SERPINB4: variants seen among roughly 807,000 people sequenced by gnomAD.
SERPINB4 encodes the protein serpin family B member 4.
A neutral mutation model predicts 33.2 loss-of-function variants in SERPINB4; 39 were observed. The ratio of observed to expected loss-of-function variants is 1.18; its 90% CI spans 0.91 to 1.53. The LOEUF (loss-of-function observed/expected upper bound fraction) is 1.53. SERPINB4 is among the 40% of genes most tolerant of loss of function. SERPINB4 has a pLI of 0.00. For missense variants in SERPINB4, 564 were observed against 455.4 expected (o/e 1.24, Z -2.17); for synonymous variants, 191 against 166.4 (o/e 1.15, Z -1.14).
Position 63,639,777 on chromosome 18 carries a change from C to G in SERPINB4, c.470-1G>C, listed in dbSNP as rs534619178. ...TCAGGAAATAGGTTTTTAATTTTTT[C>G]TGCAAGGGAAAGAATAAAAGAGTCT... On this transcript the variant is annotated splice_acceptor_variant, in intron 5 of 7. Coordinates refer to ENST00000341074, the MANE Select transcript of SERPINB4 (RefSeq NM_002974.4). LOFTEE classifies it high-confidence loss of function. The G allele has an allele frequency of 6.2e-7, 1 of 1,607,070 alleles. No individual in the cohort carries two copies. Among genetic ancestry groups the G allele is most frequent in the South Asian group, 1.1e-5 (1 of 89,740 alleles).
At position 63,639,752 on chromosome 18, in the gene SERPINB4, T is replaced by C. The variant is rs1161279833; in HGVS notation, c.494A>G (p.Asp165Gly). 6 of 1,611,646 alleles carry C rather than the reference T, an allele frequency of 3.7e-6. No individual in the cohort carries two copies. The highest frequency in any genetic ancestry group is 1.3e-5 in the African/African-American group (1 of 74,810). ...TGTCGTATCATTGCCAATAGTCCCA[T>C]CAGGAAATAGGTTTTTAATTTTTTC... The part of the protein sequence containing the change: ...TNEKIKNLFP[D>G]GTIGNDTTLV... Residue 165 changes from aspartate (D) to glycine (G), a missense_variant, in exon 6 of 8, where the codon GAT becomes GGT. Transcript: ENST00000341074.
intron 7 of SERPINB4, 46 bp from the exon 8 acceptor site, chr18:63,638,169 C>T: frequency 6.4e-7 from 1 of 1,570,324 alleles, no homozygotes; most frequent in South Asian, 1.2e-5. Flanking sequence ...CTGTCGATCT[C>T]TAATACACCT....
intron 3 of SERPINB4, 111 bp downstream of exon 3, chr18:63,643,050 T>C: frequency 7.7e-7 from 1 of 1,298,842 alleles, no homozygotes; most frequent in Non-Finnish European, 1.1e-6. Context: ...TCAATCTTTG[T>C]GTCCAAGATT....
At chr18:63,642,674 A>G (rs952019780) in intron 3 of SERPINB4, among the ~76,000 whole-genome samples, 2 of 152,116 alleles carry the variant, frequency 1.3e-5, no homozygotes, top group African/African-American at 2.4e-5. Context: ...GAATCTCATT[A>G]ATGACTCAAT....
At position 63,643,440 on chromosome 18, in the gene SERPINB4, T is replaced by C. The variant is rs1233396227; in HGVS notation, c.138A>G (p.Lys46=). ...SALGMVLLGA[K]DNTAQQISKV... is the part of the protein sequence containing the mutation. ...TGCTAATTTGTTGTGCAGTGTTGTC[T>C]TTGGCTCCTAAGAGGACCATCCCTA... The change falls in exon 2 of 8, where the codon AAA becomes AAG. Residue 46 remains lysine (K), a synonymous_variant. Transcript: ENST00000341074. The C allele has an allele frequency of 1.2e-6, 2 of 1,613,722 alleles. No homozygotes were observed. The highest frequency in any genetic ancestry group is 1.7e-6 in the Non-Finnish European group (2 of 1,179,736).
At chr18:63,639,864 T>C (rs535024287) in intron 5 of SERPINB4, 88 bp from the exon 6 acceptor site, 93 of 1,250,190 alleles carry the variant, frequency 7.4e-5, no homozygotes, top group Admixed American at 3.5e-4. Context: ...GACTGATCGT[T>C]AATTATTGAC....
chr18:63,640,472 G>C (rs1913089375), intron 5 of SERPINB4, among the ~76,000 whole-genome samples: 1 of 152,064 alleles, frequency 6.6e-6, no homozygotes, highest in Admixed American at 6.6e-5. Context: ...ATTTACCAGA[G>C]AGCTGCTTGT....
At chr18:63,639,034 A>G (rs2144464896) in intron 7 of SERPINB4, 151 bp downstream of exon 7, 1 of 876,718 alleles carries the variant, frequency 1.1e-6, no homozygotes, top group Non-Finnish European at 1.6e-6. Flanking sequence ...ATGCTCAAAT[A>G]TTTGTAATAT....
rs1332672384 is a variant in SERPINB4 at position 63,637,597 on chromosome 18, A to G, written c.*122T>C. 1.0e-6 allele frequency: 1 copy of G among 975,480 alleles called. No homozygotes were observed. Among genetic ancestry groups the G allele is most frequent in the Non-Finnish European group, 1.5e-6 (1 of 656,862 alleles). 60.4% of individuals were successfully genotyped at this position (975,480 alleles called of 1,614,324 possible). ...AATCATTAAATTCTTGATGATGACT[A>G]TCATCATCAAGATGAGATAGAAAAG... On this transcript the variant is annotated 3_prime_UTR_variant, in exon 8 of 8. Coordinates refer to ENST00000341074, the MANE Select transcript of SERPINB4 (RefSeq NM_002974.4).
chr18:63,641,018 A>G (rs779444600), intron 4 of SERPINB4, 27 bp from the exon 5 acceptor site: 2 of 1,565,290 alleles, frequency 1.3e-6, no homozygotes, highest in African/African-American at 2.7e-5. Flanking sequence ...AAGAAGTAGG[A>G]ATTAGGAGTA....
At position 63,643,551 on chromosome 18, in the gene SERPINB4, G is replaced by A; in HGVS notation, c.27C>T (p.Thr9=). 6.2e-7 allele frequency: 1 copy of A among 1,613,556 alleles called. No homozygotes were observed. Residue 9 remains threonine, a synonymous_variant, in exon 2 of 8, where the codon ACC becomes ACT. Transcript: ENST00000341074. Reference sequence around the variant, plus strand: ...GTTGGAACAGATCGAACATGAACTTGGTGTTGGCTTCACTGAGTGAATTCA... The same window carrying A: ...GTTGGAACAGATCGAACATGAACTTAGTGTTGGCTTCACTGAGTGAATTCA... MNSLSEAN[T]KFMFDLFQQF...
chr18:63,640,605 G>A (rs1199798764), intron 5 of SERPINB4, among the ~76,000 whole-genome samples: 3 of 152,080 alleles, frequency 2.0e-5, no homozygotes, highest in African/African-American at 7.2e-5. Flanking sequence ...AGCGGAGACA[G>A]GGGATCCACA....
At chr18:63,640,477 G>T (rs1344049836) in intron 5 of SERPINB4, among the ~76,000 whole-genome samples, 8 of 152,080 alleles carry the variant, frequency 5.3e-5, no homozygotes, top group African/African-American at 1.9e-4. Context: ...CCAGAGAGCT[G>T]CTTGTTTCCC....
At chr18:63,643,057 G>T (rs1913188466) in intron 3 of SERPINB4, 104 bp downstream of exon 3, 4 of 1,421,760 alleles carry the variant, frequency 2.8e-6, no homozygotes, top group Admixed American at 3.8e-5. Context: ...TTGTGTCCAA[G>T]ATTTTCCCTA....
intron 7 of SERPINB4, among the ~76,000 whole-genome samples, 166 bp from the exon 8 acceptor site, chr18:63,638,289 A>T (rs901586459): frequency 1.3e-5 from 2 of 152,090 alleles, no homozygotes; most frequent in Non-Finnish European, 2.9e-5. Flanking sequence ...ATGAGTCCTG[A>T]ATATATAAAT....
chr18:63,640,034 G>A (rs1332312399), intron 5 of SERPINB4, among the ~76,000 whole-genome samples: 1 of 152,056 alleles, frequency 6.6e-6, no homozygotes, highest in Non-Finnish European at 1.5e-5. Flanking sequence ...CACGTTCTCT[G>A]TGTATGAATG....
At position 63,637,624 on chromosome 18, in the gene SERPINB4, A is replaced by C. The variant is rs994844431; in HGVS notation, c.*95T>G. On this transcript the variant is annotated 3_prime_UTR_variant, in exon 8 of 8. Transcript: ENST00000341074. Reference sequence around the variant, plus strand: ...CATCATCAAGATGAGATAGAAAAGAAATATGAGCCAAGAGAATCTGTTGTT... The same window carrying C: ...CATCATCAAGATGAGATAGAAAAGACATATGAGCCAAGAGAATCTGTTGTT... The C allele has an allele frequency of 5.4e-6, 7 of 1,290,796 alleles. No homozygotes were observed. Among genetic ancestry groups the C allele is most frequent in the Non-Finnish European group, 5.3e-6 (5 of 938,446 alleles). 80.0% of individuals were successfully genotyped at this position (1,290,796 alleles called of 1,614,324 possible). A position where few individuals can be genotyped will look rare whatever the true frequency, so the allele number is the denominator to read the frequency against.
At chr18:63,639,826 G>A in intron 5 of SERPINB4, 50 bp from the exon 6 acceptor site, 1 of 1,520,266 alleles carries the variant, frequency 6.6e-7, no homozygotes, top group Non-Finnish European at 9.0e-7. Context: ...CAAATGGCTT[G>A]TCTGGAAGAT....
chr18:63,637,962 C>T lies in SERPINB4; in HGVS notation c.930G>A (p.Gly310=), dbSNP rs146178798. 9.3e-5 allele frequency: 150 copies of T among 1,613,486 alleles called. No homozygotes were observed. The African/African-American group carries it at 1.8e-3, about 20-fold the overall frequency. ...RTMGMVNIFN[G]DADLSGMTWS... ...AGGTCATGCCTGAGAGGTCTGCATC[C>T]CCATTGAAGATATTCACCATTCCCA... The change falls in exon 8 of 8, where the codon GGG becomes GGA. Residue 310 remains glycine (G), a synonymous_variant. Transcript: ENST00000341074.
Sources: gnomAD v4.1 joint callset for allele counts (sites outside exome capture counted in the v4.1 genomes callset) on GRCh38, gnomAD v4.1.1 for gene constraint, MANE v1.5 for transcripts, NCBI Gene and HGNC (gene_info 2026-07-23, HGNC 2026-07-21) for gene names.